Variants in PLEKHA7 observed in about 807,000 individuals in gnomAD.
PLEKHA7 encodes the protein pleckstrin homology domain containing A7.
Under a neutral mutation model 170.0 loss-of-function variants are expected in PLEKHA7, and 104 were observed. That is an observed-to-expected ratio of 0.61 (90% CI 0.52 to 0.72). The LOEUF (loss-of-function observed/expected upper bound fraction) is 0.72. PLEKHA7 is among the 30% of genes least tolerant of loss of function. PLEKHA7 has a pLI of 0.00. For missense variants in PLEKHA7, 1,615 were observed against 1,671.7 expected (o/e 0.97, Z 0.59); for synonymous variants, 648 against 660.8 (o/e 0.98, Z 0.30).
intron 3 of PLEKHA7, among the ~76,000 whole-genome samples, chr11:16,942,191 A>G (rs562846252): frequency 6.6e-6 from 1 of 152,296 alleles, no homozygotes; most frequent in African/African-American, 2.4e-5. Context: ...ATTCAAATTC[A>G]AACTTGGGGG....
chr11:16,890,232 C>T (rs1856523012), intron 3 of PLEKHA7, among the ~76,000 whole-genome samples: 1 of 152,068 alleles, frequency 6.6e-6, no homozygotes, highest in African/African-American at 2.4e-5. Flanking sequence ...TCTTATAAAG[C>T]AATTATACAA....
chr11:16,828,629 A>G (rs1250986459), intron 9 of PLEKHA7, among the ~76,000 whole-genome samples: 1 of 152,178 alleles, frequency 6.6e-6, no homozygotes, highest in East Asian at 1.9e-4. Context: ...TTTATCCAAC[A>G]GAGGACATCT....
chr11:16,972,269 ACAC>A (rs1197050993), intron 3 of PLEKHA7, among the ~76,000 whole-genome samples: 4 of 151,724 alleles, frequency 2.6e-5, no homozygotes, highest in Non-Finnish European at 4.4e-5. Context: ...CTACAAGCGC[ACAC>A]CACCACACTC....
intron 10 of PLEKHA7, among the ~76,000 whole-genome samples, chr11:16,818,206 G>A (rs1279092273): frequency 1.3e-5 from 2 of 152,206 alleles, no homozygotes; most frequent in Non-Finnish European, 2.9e-5. Context: ...TGCTGGCTTT[G>A]TGACCCTAGG....
Position 16,801,663 on chromosome 11 carries a change from C to G in PLEKHA7, c.2307+5G>C, listed in dbSNP as rs775948000. The G allele has an allele frequency of 1.9e-6, 3 of 1,613,962 alleles. No homozygotes were observed. Among genetic ancestry groups the G allele is most frequent in the East Asian group, 2.2e-5 (1 of 44,902 alleles). ...AGGGAGACAGGTCTGCCACCCTCTA[C>G]GCACAGTGGACTCTCTGGAGAGCTC... On this transcript the variant is annotated splice_donor_5th_base_variant and intron_variant, in intron 16 of 26. Coordinates refer to ENST00000531066, the MANE Select transcript of PLEKHA7 (RefSeq NM_001329630.2).
intron 3 of PLEKHA7, among the ~76,000 whole-genome samples, chr11:16,902,542 G>T (rs1294620823): frequency 6.6e-6 from 1 of 152,212 alleles, no homozygotes; most frequent in Non-Finnish European, 1.5e-5. Context: ...ATCCTAGGGT[G>T]TGTAAAGTAG....
chr11:16,834,847 G>C (rs1851387233), intron 9 of PLEKHA7, among the ~76,000 whole-genome samples: 1 of 152,140 alleles, frequency 6.6e-6, no homozygotes, highest in African/African-American at 2.4e-5. Context: ...TGGGGGGGCG[G>C]GGGCAGAGAG....
intron 9 of PLEKHA7, 70 bp downstream of exon 9, chr11:16,841,477 A>G: frequency 6.6e-7 from 1 of 1,524,956 alleles, no homozygotes; most frequent in Non-Finnish European, 8.9e-7. Context: ...TCAGGCACCC[A>G]AGAGGACCTA....
At chr11:16,992,132 T>C (rs1864083550) in intron 3 of PLEKHA7, among the ~76,000 whole-genome samples, 1 of 152,156 alleles carries the variant, frequency 6.6e-6, no homozygotes, top group Admixed American at 6.5e-5. Flanking sequence ...AGCTCCAGGC[T>C]GAAAGCTACG....
At chr11:16,898,148 G>A (rs533342759) in intron 3 of PLEKHA7, among the ~76,000 whole-genome samples, 8 of 151,884 alleles carry the variant, frequency 5.3e-5, no homozygotes, top group African/African-American at 9.7e-5. Context: ...GATCCATCCC[G>A]GCATCCCCAA....
chr11:16,851,455 TA>T (rs1863887222), intron 7 of PLEKHA7, among the ~76,000 whole-genome samples, 164 bp from the exon 8 acceptor site: 1 of 151,964 alleles, frequency 6.6e-6, no homozygotes, highest in African/African-American at 2.4e-5. Flanking sequence ...TTTATTTATT[TA>T]TTTTTTTTTT....
intron 3 of PLEKHA7, among the ~76,000 whole-genome samples, chr11:16,937,824 T>C (rs1018491616): frequency 2.6e-5 from 4 of 152,146 alleles, no homozygotes; most frequent in African/African-American, 9.7e-5. Context: ...GTCAGGCTGG[T>C]CTTGAACTCC....
Position 16,817,565 on chromosome 11 carries a change from T to G in PLEKHA7, c.1344-243A>C. 1 of 458,398 alleles carries G rather than the reference T, an allele frequency of 2.2e-6. No individual in the cohort carries two copies. The highest frequency in any genetic ancestry group is 3.9e-6 in the Non-Finnish European group (1 of 259,612). The allele number at this position is 458,398 out of a possible 1,614,324, so 28.4% of individuals were successfully genotyped here. On this transcript the variant is annotated intron_variant, in intron 10 of 26. Transcript: ENST00000531066. The surrounding 1 kb of genome is among the most constrained non-coding windows in gnomAD (Gnocchi z 4.4). Reference sequence around the variant, plus strand: ...ACTTGGCTACCCCATGCCCATCACTTGGAGTGCAATGTGATTAAACCTGGC... The same window carrying G: ...ACTTGGCTACCCCATGCCCATCACTGGGAGTGCAATGTGATTAAACCTGGC...
chr11:16,934,665 T>C (rs1860165624), intron 3 of PLEKHA7, among the ~76,000 whole-genome samples: 2 of 152,220 alleles, frequency 1.3e-5, no homozygotes, highest in African/African-American at 4.8e-5. Context: ...TATTTTGTTA[T>C]CCATATTTCA....
chr11:16,929,396 C>T (rs1304757654), intron 3 of PLEKHA7, among the ~76,000 whole-genome samples: 1 of 152,238 alleles, frequency 6.6e-6, no homozygotes, highest in Non-Finnish European at 1.5e-5. Context: ...CCAAAACTCT[C>T]TACCAAATAT....
intron 3 of PLEKHA7, among the ~76,000 whole-genome samples, chr11:16,902,630 T>C (rs1857412157): frequency 6.6e-6 from 1 of 152,232 alleles, no homozygotes. Context: ...TATTGGTCAT[T>C]TGTGTATCTT....
intron 3 of PLEKHA7, among the ~76,000 whole-genome samples, chr11:16,969,264 A>G (rs1285429607): frequency 2.0e-5 from 3 of 152,190 alleles, no homozygotes; most frequent in Non-Finnish European, 4.4e-5. Flanking sequence ...TAGAGCTAAA[A>G]GATCTTAACA....
intron 3 of PLEKHA7, among the ~76,000 whole-genome samples, chr11:16,999,756 A>C (rs1318145658): frequency 1.3e-5 from 2 of 152,236 alleles, no homozygotes; most frequent in Non-Finnish European, 2.9e-5. Flanking sequence ...ATTCTTAAAT[A>C]ACACTAGGGA....
At chr11:16,946,316 T>G (rs1861028101) in intron 3 of PLEKHA7, among the ~76,000 whole-genome samples, 3 of 152,134 alleles carry the variant, frequency 2.0e-5, no homozygotes, top group Non-Finnish European at 4.4e-5. Context: ...TAACCTGCCC[T>G]AAAGAGGACT....
Sources: gnomAD v4.1 joint callset for allele counts (sites outside exome capture counted in the v4.1 genomes callset) on GRCh38, gnomAD v4.1.1 for gene constraint, Gnocchi (gnomAD v3.1) non-coding constraint, MANE v1.5 for transcripts, NCBI Gene and HGNC (gene_info 2026-07-23, HGNC 2026-07-21) for gene names.